Variants in KLHL29 observed in about 807,000 individuals in gnomAD.
KLHL29 encodes kelch-like protein 29.
Under a neutral mutation model 80.4 loss-of-function variants are expected in KLHL29, and 21 were observed. That is an observed-to-expected ratio of 0.26 (90% CI 0.19 to 0.38). The LOEUF (loss-of-function observed/expected upper bound fraction) is 0.38. Among genes scored for constraint, KLHL29 ranks in the 10% least tolerant of loss-of-function variants. The pLI is 1.00. For missense variants in KLHL29, 867 were observed against 1,223.9 expected (o/e 0.71, Z 4.35); for synonymous variants, 511 against 526.8 (o/e 0.97, Z 0.41).
chr2:23,707,632 G>A lies in KLHL29; in HGVS notation c.*968G>A, dbSNP rs142747711. 8 of 152,268 alleles carry A rather than the reference G, an allele frequency of 5.3e-5. No individual in the cohort carries two copies. Among genetic ancestry groups the A allele is most frequent in the African/African-American group, 9.6e-5 (4 of 41,538 alleles). 9.4% of individuals were successfully genotyped at this position (152,268 alleles called of 1,614,324 possible). A position where few individuals can be genotyped will look rare whatever the true frequency, so the allele number is the denominator to read the frequency against. The stretch of plus-strand genomic sequence containing the variant: ...GAAGAGTCTGCTCTAGAAGGAGCCC[G>A]GTTCTGGCTCAGGACACCGGCCCAG... On this transcript the variant is annotated 3_prime_UTR_variant, in exon 14 of 14. Coordinates refer to ENST00000486442, the MANE Select transcript of KLHL29 (RefSeq NM_052920.2).
chr2:23,390,650 C>CTTTTTTT (rs70941576), intron 1 of KLHL29, among the ~76,000 whole-genome samples: 1 of 120,234 alleles, frequency 8.3e-6, no homozygotes, highest in Non-Finnish European at 1.6e-5. Context: ...ACCATCTTTA[C>CTTTTTTT]TTTTTTTTTT....
chr2:23,532,984 T>A (rs1448557698), intron 2 of KLHL29, among the ~76,000 whole-genome samples: 1 of 152,120 alleles, frequency 6.6e-6, no homozygotes, highest in African/African-American at 2.4e-5. Flanking sequence ...TCCCTCTACG[T>A]CTCTGCAACT....
intron 2 of KLHL29, among the ~76,000 whole-genome samples, chr2:23,489,042 A>C (rs1265747564): frequency 2.0e-5 from 3 of 152,316 alleles, no homozygotes. Context: ...TTGACAGAAA[A>C]TAAAAGTATT....
At chr2:23,436,478 C>A (rs1013064493) in intron 1 of KLHL29, among the ~76,000 whole-genome samples, 4 of 152,100 alleles carry the variant, frequency 2.6e-5, no homozygotes, top group African/African-American at 9.7e-5. Flanking sequence ...TCCTGTGCTT[C>A]AGGAGCAGAA....
At chr2:23,499,471 A>G (rs73919712) in intron 2 of KLHL29, among the ~76,000 whole-genome samples, 10,383 of 152,220 alleles carry the variant, frequency 0.068, 418 homozygotes, top group Non-Finnish European at 0.09. Flanking sequence ...GAGCTGTCAG[A>G]CTCAAGCAGT....
chr2:23,586,686 G>A (rs748666728), intron 3 of KLHL29, among the ~76,000 whole-genome samples: 10 of 152,116 alleles, frequency 6.6e-5, no homozygotes, highest in African/African-American at 2.2e-4. Context: ...AGTAAGGATC[G>A]GGGGATGACC....
At chr2:23,670,079 C>G (rs529009543) in intron 5 of KLHL29, 2 of 152,232 alleles carry the variant, frequency 1.3e-5, no homozygotes, top group East Asian at 3.9e-4. Flanking sequence ...CTTCCTGCAT[C>G]TGGGTTCTCA....
chr2:23,628,912 C>T (rs938955465), intron 3 of KLHL29, among the ~76,000 whole-genome samples: 3 of 152,240 alleles, frequency 2.0e-5, no homozygotes, highest in African/African-American at 4.8e-5. Flanking sequence ...GAGTCACTGC[C>T]CGCAGGGCCG....
intron 2 of KLHL29, among the ~76,000 whole-genome samples, chr2:23,557,966 T>A (rs1667341606): frequency 6.6e-6 from 1 of 152,150 alleles, no homozygotes; most frequent in African/African-American, 2.4e-5. Flanking sequence ...AGGGAAACGC[T>A]CTTCCATCAG....
rs185675928 is a variant in KLHL29, at chr2:23,681,492, G to A, written c.941-2907G>A. ...GAAGGTCTTCAGAAACCCTCAGGAT[G>A]CCTCGGGCCCAGAAAGAGTAGGCAT... On this transcript the variant is annotated intron_variant, in intron 5 of 13. Coordinates refer to ENST00000486442, the MANE Select transcript of KLHL29 (RefSeq NM_052920.2). The surrounding 1 kb of genome is among the most constrained non-coding windows in gnomAD (Gnocchi z 4.2). Among the ~76,000 whole-genome samples the A allele has an allele frequency of 2.8e-4, 43 of 152,284 alleles. No individual in the cohort carries two copies. Among genetic ancestry groups the A allele is most frequent in the African/African-American group, 1.0e-3 (42 of 41,552 alleles).
chr2:23,572,674 G>GT (rs1455472195), intron 3 of KLHL29, among the ~76,000 whole-genome samples: 1 of 151,940 alleles, frequency 6.6e-6, no homozygotes, highest in Non-Finnish European at 1.5e-5. Flanking sequence ...AGAAGATAGT[G>GT]GAGCAGCCTC....
chr2:23,421,291 T>C (rs554548107), intron 1 of KLHL29, among the ~76,000 whole-genome samples: 4 of 152,282 alleles, frequency 2.6e-5, no homozygotes, highest in Non-Finnish European at 5.9e-5. Flanking sequence ...GGTCTGTCCA[T>C]TGCTGAAGGG....
chr2:23,545,766 A>G (rs977496136), intron 2 of KLHL29, among the ~76,000 whole-genome samples: 28 of 152,070 alleles, frequency 1.8e-4, no homozygotes, highest in African/African-American at 6.8e-4. Context: ...CGGGCGTGAA[A>G]AATACTGAGT....
intron 2 of KLHL29, among the ~76,000 whole-genome samples, chr2:23,505,049 C>T (rs1012468449): frequency 6.6e-6 from 1 of 152,226 alleles, no homozygotes; most frequent in Non-Finnish European, 1.5e-5. Context: ...GAACAAAACC[C>T]TTAAATCCTC....
chr2:23,703,674 T>C, intron 12 of KLHL29, 45 bp from the exon 13 acceptor site: 1 of 1,500,082 alleles, frequency 6.7e-7, no homozygotes, highest in East Asian at 2.5e-5. Flanking sequence ...GAGAGGGAAG[T>C]CCAAGACAAG....
intron 1 of KLHL29, among the ~76,000 whole-genome samples, chr2:23,439,099 G>A (rs886204420): frequency 2.9e-4 from 43 of 150,250 alleles, no homozygotes; most frequent in Non-Finnish European, 4.3e-4. Context: ...TATTTGCATA[G>A]AGGTGTTTGT....
intron 3 of KLHL29, among the ~76,000 whole-genome samples, chr2:23,632,671 T>G (rs570099257): frequency 1.2e-4 from 18 of 152,226 alleles, no homozygotes; most frequent in Admixed American, 5.2e-4. Flanking sequence ...GAATTTGCTC[T>G]TGCTGTTCTC....
intron 2 of KLHL29, among the ~76,000 whole-genome samples, chr2:23,476,922 A>G (rs1664656632): frequency 6.6e-6 from 1 of 152,258 alleles, no homozygotes. Flanking sequence ...CTGCAGAGGC[A>G]AGGAGGCCTG....
intron 1 of KLHL29, among the ~76,000 whole-genome samples, chr2:23,426,024 A>G (rs1662995973): frequency 6.6e-6 from 1 of 152,144 alleles, no homozygotes; most frequent in Admixed American, 6.5e-5. Context: ...TTTCAAAGAT[A>G]CTGATCACAG....
Sources: allele counts gnomAD v4.1 joint callset (sites outside exome capture counted in the v4.1 genomes callset), GRCh38; gene constraint gnomAD v4.1.1; non-coding constraint Gnocchi (gnomAD v3.1); transcripts MANE v1.5; gene names NCBI Gene and HGNC (gene_info 2026-07-23, HGNC 2026-07-21).